The following BABAM2 variants were observed in gnomAD, a reference collection of about 807,000 sequenced individuals.
BABAM2 encodes the protein BRISC and BRCA1 A complex member 2, also known as BRISC and BRCA1-A complex member 2.
Under a neutral mutation model 54.7 loss-of-function variants are expected in BABAM2, and 31 were observed. The ratio of observed to expected loss-of-function variants is 0.57; its 90% confidence interval spans 0.43 to 0.77. BABAM2 has a LOEUF of 0.77. Among genes scored for constraint, BABAM2 ranks in the 30% least tolerant of loss-of-function variants. The pLI, the probability that BABAM2 is intolerant of heterozygous loss-of-function variation, is 0.00. For synonymous variants in BABAM2, 167 were observed against 162.9 expected (o/e 1.03, Z -0.19); for missense variants, 364 against 455.8 (o/e 0.80, Z 1.83).
chr2:28,222,877 C>T (rs913400593), intron 7 of BABAM2, among the ~76,000 whole-genome samples: 6 of 152,218 alleles, frequency 3.9e-5, no homozygotes, highest in Admixed American at 1.3e-4. Context: ...CCCCTGAGTT[C>T]TAGGCAGCCT....
chr2:28,113,732 A>G (rs1186422447), intron 6 of BABAM2, among the ~76,000 whole-genome samples: 3 of 152,184 alleles, frequency 2.0e-5, no homozygotes, highest in Non-Finnish European at 4.4e-5. Context: ...TCTATGAATT[A>G]CTTTGGGCAG....
intron 4 of BABAM2, among the ~76,000 whole-genome samples, chr2:27,993,541 C>T (rs1672923211): frequency 6.6e-6 from 1 of 152,046 alleles, no homozygotes; most frequent in African/African-American, 2.4e-5. Context: ...AAATTCTTTA[C>T]CCCCAAGGTA....
At chr2:28,011,069 G>T (rs1281960556) in intron 4 of BABAM2, among the ~76,000 whole-genome samples, 2 of 152,172 alleles carry the variant, frequency 1.3e-5, no homozygotes, top group South Asian at 2.1e-4. Context: ...AGCTTATAGA[G>T]AACTGGAGGT....
chr2:28,073,089 A>G (rs1664318611), intron 6 of BABAM2, among the ~76,000 whole-genome samples: 1 of 152,178 alleles, frequency 6.6e-6, no homozygotes, highest in African/African-American at 2.4e-5. Flanking sequence ...GCCGTTTATC[A>G]GTAGGACTTA....
chr2:28,202,372 C>G (rs1573830059), intron 7 of BABAM2, among the ~76,000 whole-genome samples: 1 of 152,066 alleles, frequency 6.6e-6, no homozygotes. Context: ...GAGCTTCCCC[C>G]TCCTGCTTCC....
chr2:28,044,358 T>G (rs1677383599), intron 5 of BABAM2, among the ~76,000 whole-genome samples: 1 of 152,104 alleles, frequency 6.6e-6, no homozygotes, highest in African/African-American at 2.4e-5. Flanking sequence ...GCCTCCCGAG[T>G]AGCTGGGACT....
intron 5 of BABAM2, among the ~76,000 whole-genome samples, chr2:28,029,052 C>T (rs1396395061): frequency 6.6e-6 from 1 of 152,166 alleles, no homozygotes; most frequent in Non-Finnish European, 1.5e-5. Flanking sequence ...TAGATGTGAG[C>T]CACCATGCCT....
intron 3 of BABAM2, among the ~76,000 whole-genome samples, chr2:27,952,298 A>T (rs1246759651): frequency 6.6e-6 from 1 of 152,116 alleles, no homozygotes. Context: ...ATTTAATGGG[A>T]TTATTGTGTG....
intron 6 of BABAM2, among the ~76,000 whole-genome samples, chr2:28,099,414 G>A (rs1269209535): frequency 6.6e-6 from 1 of 152,112 alleles, no homozygotes; most frequent in Non-Finnish European, 1.5e-5. Context: ...AAAGGGCTCA[G>A]AATGGGTGTT....
rs1558535378 is a variant in BABAM2, at chr2:28,329,110, T to C, written c.1089-9340T>C. Among the ~76,000 whole-genome samples, 1 of 152,190 alleles carries C rather than the reference T, an allele frequency of 6.6e-6. No homozygotes were observed. Among genetic ancestry groups the C allele is most frequent in the Non-Finnish European group, 1.5e-5 (1 of 68,030 alleles). On this transcript the variant is annotated intron_variant, in intron 11 of 11. Transcript: ENST00000379624. The surrounding 1 kb of genome is among the most constrained non-coding windows in gnomAD (Gnocchi z 4.2). ...CCCTGATAGCTCCCTGTCTTAACTT[T>C]CTTCAGTCTCCTGATTTCCCCTTCT...
chr2:28,032,263 G>A (rs1355287305), intron 5 of BABAM2, among the ~76,000 whole-genome samples: 1 of 152,102 alleles, frequency 6.6e-6, no homozygotes, highest in Non-Finnish European at 1.5e-5. Context: ...AAACATTCCT[G>A]CTCTAAAAGT....
intron 2 of BABAM2, among the ~76,000 whole-genome samples, chr2:27,900,199 G>A (rs1309881444): frequency 2.0e-5 from 3 of 151,946 alleles, no homozygotes; most frequent in Admixed American, 6.6e-5. Flanking sequence ...ATACCCTATA[G>A]GACACAGTAT....
In BABAM2 at chr2:28,248,207, C is replaced by CTTTTTCTTTTTTTTTTTTTT. The variant is rs1553349503; in HGVS notation, c.934+3350_934+3351insCTTTTTTTTTTTTTTTTTTT. Among the ~76,000 whole-genome samples, 341 of 54,276 alleles carry CTTTTTCTTTTTTTTTTTTTT rather than the reference C, an allele frequency of 6.3e-3. 21 individuals carry two copies. Among genetic ancestry groups the CTTTTTCTTTTTTTTTTTTTT allele is most frequent in the Non-Finnish European group, 7.9e-3 (215 of 27,122 alleles). 35.6% of individuals were successfully genotyped at this position (54,276 alleles called of 152,430 possible). ...AGTAGCTTTTGTTTATTTTCTTTTT[C>CTTTTTCTTTTTTTTTTTTTT]TTTTTTTTTTTTTTTTTTTGAGACG... is the stretch of plus-strand genomic sequence containing the variant. On this transcript the variant is annotated intron_variant, in intron 10 of 11. Transcript: ENST00000379624.
At chr2:28,049,179 A>G (rs1212809116) in intron 6 of BABAM2, among the ~76,000 whole-genome samples, 1 of 152,206 alleles carries the variant, frequency 6.6e-6, no homozygotes, top group Non-Finnish European at 1.5e-5. Context: ...AGCCAGTTTT[A>G]TACAGAATAC....
intron 7 of BABAM2, among the ~76,000 whole-genome samples, chr2:28,219,729 A>G (rs1032314040): frequency 5.9e-5 from 9 of 152,144 alleles, no homozygotes; most frequent in African/African-American, 2.2e-4. Context: ...TGTTTAGTTA[A>G]AAGAAATAGG....
In BABAM2 at chr2:28,129,682, G is replaced by A. The variant is rs570061522; in HGVS notation, c.680+302G>A. 5.9e-5 allele frequency among the ~76,000 whole-genome samples: 9 copies of A among 152,272 alleles called. No individual in the cohort carries two copies. In the East Asian group the frequency reaches 7.7e-4, roughly 13 times the overall value. ...TCCTTCCAGATGTTCCCTGGAGTTC[G>A]AATGGTTGTAGCCTACAGTGGGCTG... On this transcript the variant is annotated intron_variant, in intron 7 of 11. Coordinates refer to ENST00000379624, the MANE Select transcript of BABAM2 (RefSeq NM_199191.3).
chr2:28,184,275 TCTCTCTCTCTCCCCCCCTCCCTCTCTCC>T (rs1676014541), intron 7 of BABAM2, among the ~76,000 whole-genome samples: 1 of 115,218 alleles, frequency 8.7e-6, no homozygotes, highest in Non-Finnish European at 1.8e-5. Flanking sequence ...TCTCTCTCTC[TCTCTCTCTCTCCCCCCCTCCCTCTCTCC>T]CTCTCTCTCT....
At chr2:28,164,753 C>A (rs780468382) in intron 7 of BABAM2, among the ~76,000 whole-genome samples, 1 of 152,084 alleles carries the variant, frequency 6.6e-6, no homozygotes, top group Non-Finnish European at 1.5e-5. Context: ...TATCTTGGCG[C>A]TTCTTCCCTG....
At chr2:28,289,870 T>C (rs1023229341) in intron 10 of BABAM2, among the ~76,000 whole-genome samples, 3 of 151,880 alleles carry the variant, frequency 2.0e-5, no homozygotes, top group Admixed American at 1.3e-4. Flanking sequence ...CAAAGGAAAA[T>C]AGCACACTGT....
Sources: gnomAD v4.1 joint callset for allele counts (sites outside exome capture counted in the v4.1 genomes callset) on GRCh38, gnomAD v4.1.1 for gene constraint, Gnocchi (gnomAD v3.1) non-coding constraint, MANE v1.5 for transcripts, NCBI Gene and HGNC (gene_info 2026-07-23, HGNC 2026-07-21) for gene names.